Variants in GOLM2 observed in about 807,000 individuals in gnomAD.
The protein encoded by GOLM2 is protein GOLM2.
In GOLM2, 26 loss-of-function variants were observed where a neutral mutation model predicts 55.9. The observed-to-expected ratio is 0.47, with a 90% CI of 0.34 to 0.65. GOLM2 has a LOEUF of 0.65. Among genes scored for constraint, GOLM2 ranks in the 30% least tolerant of loss-of-function variants. GOLM2 has a pLI of 0.01. For missense variants in GOLM2, 486 were observed against 531.8 expected (o/e 0.91, Z 0.85); for synonymous variants, 165 against 194.6 (o/e 0.85, Z 1.27).
intron 3 of GOLM2, among the ~76,000 whole-genome samples, chr15:44,330,132 G>A (rs1281969958): frequency 1.4e-5 from 2 of 144,342 alleles, no homozygotes; most frequent in African/African-American, 2.6e-5. Flanking sequence ...GGATGGTCTC[G>A]ATCTCCTGAC....
At chr15:44,325,026 T>A (rs1269127976) in intron 2 of GOLM2, among the ~76,000 whole-genome samples, 1 of 152,218 alleles carries the variant, frequency 6.6e-6, no homozygotes, top group African/African-American at 2.4e-5. Context: ...TGATTTTTTT[T>A]AACCTTTATT....
At chr15:44,377,730 T>C (rs890019928) in intron 6 of GOLM2, among the ~76,000 whole-genome samples, 55 of 152,256 alleles carry the variant, frequency 3.6e-4, no homozygotes, top group African/African-American at 1.3e-3. Flanking sequence ...ATTGAGAGTT[T>C]TGATTCAGCA....
In GOLM2 at chr15:44,413,497, G is replaced by A. The variant is rs968922293; in HGVS notation, c.*91G>A. The A allele has an allele frequency of 1.1e-6, 1 of 925,248 alleles. No individual in the cohort carries two copies. Among genetic ancestry groups the A allele is most frequent in the African/African-American group, 1.7e-5 (1 of 60,340 alleles). 57.3% of individuals were successfully genotyped at this position (925,248 alleles called of 1,614,324 possible). A position where few individuals can be genotyped will look rare whatever the true frequency, so the allele number is the denominator to read the frequency against. The stretch of plus-strand genomic sequence containing the variant: ...CTGACTTTTGTTGTAAAGACGAATT[G>A]TATCAGTTGTAAAGATACATTGAGA... On this transcript the variant is annotated 3_prime_UTR_variant, in exon 10 of 10. Coordinates refer to ENST00000299957, the MANE Select transcript of GOLM2 (RefSeq NM_138423.4).
chr15:44,310,038 C>T (rs753325082), intron 1 of GOLM2, among the ~76,000 whole-genome samples: 22 of 152,070 alleles, frequency 1.4e-4, no homozygotes, highest in Non-Finnish European at 2.2e-4. Context: ...CAAATGCCAC[C>T]ATGCCTGGCT....
At position 44,344,287 on chromosome 15, in the gene GOLM2, GTA is replaced by G. The variant is rs143483392; in HGVS notation, c.802+5993_802+5994del. On this transcript the variant is annotated intron_variant, in intron 6 of 9. Transcript: ENST00000299957. ...AAAAAAAAAAAATGTATATGTGTGT[GTA>G]TATATATATATATATATATATACCT... 4.1e-3 allele frequency among the ~76,000 whole-genome samples: 570 copies of G among 137,982 alleles called. 1 individual carries two copies. The highest frequency in any genetic ancestry group is 5.5e-3 in the Non-Finnish European group (351 of 63,926). 90.5% of individuals were successfully genotyped at this position (137,982 alleles called of 152,430 possible). A position where few individuals can be genotyped will look rare whatever the true frequency, so the allele number is the denominator to read the frequency against.
In GOLM2 at chr15:44,413,832, CAG is replaced by C. The variant is rs2079655356; in HGVS notation, c.*429_*430del. On this transcript the variant is annotated 3_prime_UTR_variant, in exon 10 of 10. Coordinates refer to ENST00000299957, the MANE Select transcript of GOLM2 (RefSeq NM_138423.4). ...ATTCTTTTTTTTTTTTTTTTTGAGA[CAG>C]AGTTTTAGTCTTGTTTCCCAGGCTG... is the stretch of plus-strand genomic sequence containing the variant. 1 of 136,590 alleles carries C rather than the reference CAG, an allele frequency of 7.3e-6. No individual in the cohort carries two copies. The highest frequency in any genetic ancestry group is 2.8e-5 in the African/African-American group (1 of 35,518). The allele number at this position is 136,590 out of a possible 1,614,324, so 8.5% of individuals were successfully genotyped here.
At chr15:44,357,824 T>A (rs1327878206) in intron 6 of GOLM2, among the ~76,000 whole-genome samples, 1 of 152,148 alleles carries the variant, frequency 6.6e-6, no homozygotes, top group Admixed American at 6.5e-5. Context: ...ATTCAATTAT[T>A]TAGGTATAAA....
intron 1 of GOLM2, among the ~76,000 whole-genome samples, chr15:44,292,156 G>C (rs1279064273): frequency 3.3e-5 from 5 of 150,062 alleles, no homozygotes; most frequent in African/African-American, 1.2e-4. Flanking sequence ...TTGAATGTCA[G>C]TTCTGTGTGT....
intron 9 of GOLM2, 149 bp downstream of exon 9, chr15:44,403,203 C>G (rs1016721199): frequency 4.9e-5 from 42 of 852,738 alleles, no homozygotes; most frequent in Non-Finnish European, 7.2e-5. Flanking sequence ...GCTTTTGTTG[C>G]CCAGGCTGGA....
chr15:44,318,584 C>A (rs1452893180), intron 1 of GOLM2, among the ~76,000 whole-genome samples: 5 of 152,090 alleles, frequency 3.3e-5, no homozygotes, highest in Non-Finnish European at 5.9e-5. Flanking sequence ...TGGTATGTGC[C>A]TGTAGTCCAA....
intron 6 of GOLM2, among the ~76,000 whole-genome samples, chr15:44,364,168 A>G (rs1193778898): frequency 6.6e-6 from 1 of 152,142 alleles, no homozygotes; most frequent in East Asian, 1.9e-4. Context: ...CATTGTGCAC[A>G]TGTACCCTAA....
chr15:44,345,112 A>G (rs1426928738), intron 6 of GOLM2, among the ~76,000 whole-genome samples: 1 of 148,702 alleles, frequency 6.7e-6, no homozygotes, highest in African/African-American at 2.5e-5. Context: ...CGCCTGGCCT[A>G]TTTTTTTATT....
intron 1 of GOLM2, among the ~76,000 whole-genome samples, chr15:44,313,665 A>G (rs1440051677): frequency 1.3e-5 from 2 of 152,180 alleles, no homozygotes; most frequent in African/African-American, 4.8e-5. Flanking sequence ...GGTGTTCAAT[A>G]AATGTTTCTT....
rs971533456 is a variant in GOLM2, at chr15:44,395,415, G to A, written c.1073-7472G>A. On this transcript the variant is annotated intron_variant, in intron 8 of 9. Transcript: ENST00000299957. ...ATCTTGGTGTTTCCTTTGACTTATA[G>A]TACAGAATTAAAATATACGGCCTAG... Among the ~76,000 whole-genome samples, 3 of 151,622 alleles carry A rather than the reference G, an allele frequency of 2.0e-5. No homozygotes were observed. The South Asian group carries it at 6.2e-4, about 31-fold the overall frequency.
chr15:44,316,619 G>T (rs937597788), intron 1 of GOLM2, among the ~76,000 whole-genome samples: 6 of 152,108 alleles, frequency 3.9e-5, no homozygotes, highest in Non-Finnish European at 8.8e-5. Context: ...GCTGGGCGTG[G>T]TGGCAGGCGC....
At position 44,318,888 on chromosome 15, in the gene GOLM2, C is replaced by T. The variant is rs528191964; in HGVS notation, c.328-4077C>T. ...TCTCCCTAATTCTCTGTTGCAGCTA[C>T]TGGGAATTGTTTATAATTCCTAGAA... On this transcript the variant is annotated intron_variant, in intron 1 of 9. Coordinates refer to ENST00000299957, the MANE Select transcript of GOLM2 (RefSeq NM_138423.4). Among the ~76,000 whole-genome samples the T allele has an allele frequency of 3.3e-5, 5 of 152,272 alleles. No individual in the cohort carries two copies. In the East Asian group the frequency reaches 9.6e-4, roughly 29 times the overall value.
chr15:44,394,654 G>A (rs1409686898), intron 8 of GOLM2, among the ~76,000 whole-genome samples: 1 of 152,090 alleles, frequency 6.6e-6, no homozygotes, highest in African/African-American at 2.4e-5. Flanking sequence ...CAATTGTTTT[G>A]TGAAGAAAGC....
At chr15:44,361,851 A>G (rs575525378) in intron 6 of GOLM2, among the ~76,000 whole-genome samples, 1 of 152,320 alleles carries the variant, frequency 6.6e-6, no homozygotes, top group East Asian at 1.9e-4. Flanking sequence ...CGCCATGATC[A>G]AGTGGGCTTC....
At chr15:44,328,857 T>C (rs989910381) in intron 3 of GOLM2, 70 bp downstream of exon 3, 1 of 1,001,180 alleles carries the variant, frequency 1.0e-6, no homozygotes, top group East Asian at 2.8e-5. Flanking sequence ...TCAGTTCATT[T>C]CTTTCTCTCT....
Sources: allele counts gnomAD v4.1 joint callset (sites outside exome capture counted in the v4.1 genomes callset), GRCh38; gene constraint gnomAD v4.1.1; transcripts MANE v1.5; gene names NCBI Gene and HGNC (gene_info 2026-07-23, HGNC 2026-07-21).